WDR41: variants seen among roughly 807,000 people sequenced by gnomAD.
WDR41 encodes the protein WD repeat-containing protein 41.
Under a neutral mutation model 69.3 loss-of-function variants are expected in WDR41, and 63 were observed. The observed-to-expected ratio is 0.91, with a 90% CI of 0.74 to 1.12. The LOEUF is 1.12. WDR41 is among the 50% of genes most tolerant of loss of function. The pLI is 0.00. For synonymous variants in WDR41, 185 were observed against 192.1 expected (o/e 0.96, Z 0.31); for missense variants, 543 against 534.5 (o/e 1.02, Z -0.16).
At chr5:77,511,274 C>A (rs76675838) in intron 1 of WDR41, among the ~76,000 whole-genome samples, 2,782 of 152,246 alleles carry the variant, frequency 0.018, 62 homozygotes, top group African/African-American at 0.055. Flanking sequence ...GGCCACTACA[C>A]CAATAGATTA....
At chr5:77,473,408 C>T (rs1203929241) in intron 2 of WDR41, among the ~76,000 whole-genome samples, 1 of 152,110 alleles carries the variant, frequency 6.6e-6, no homozygotes, top group East Asian at 1.9e-4. Flanking sequence ...TCTAAAACAC[C>T]AAAAGCAATG....
chr5:77,431,805 G>A lies in WDR41; in HGVS notation c.*1330C>T, dbSNP rs1291591620. ...TGGGAGAAAGTCTTCTGTAATTGAGGTAGCTTAAGTTTTAATATTTCTCCA... is the reference window on the plus strand; with the variant it reads ...TGGGAGAAAGTCTTCTGTAATTGAGATAGCTTAAGTTTTAATATTTCTCCA... On this transcript the variant is annotated 3_prime_UTR_variant, in exon 13 of 13. Coordinates refer to ENST00000296679, the MANE Select transcript of WDR41 (RefSeq NM_018268.4). 6.6e-6 allele frequency: 1 copy of A among 152,194 alleles called. No individual in the cohort carries two copies. The highest frequency in any genetic ancestry group is 1.9e-4 in the East Asian group (1 of 5,192). 9.4% of individuals were successfully genotyped at this position (152,194 alleles called of 1,614,324 possible). A position where few individuals can be genotyped will look rare whatever the true frequency, so the allele number is the denominator to read the frequency against.
intron 1 of WDR41, among the ~76,000 whole-genome samples, chr5:77,505,656 C>A (rs1802093756): frequency 6.6e-6 from 1 of 152,124 alleles, no homozygotes. Flanking sequence ...GCTACAGTAA[C>A]CAAAACAGCA....
In WDR41 at chr5:77,542,983, T is replaced by C. The variant is rs539422763; in HGVS notation, c.43-53411A>G. Reference sequence around the variant, plus strand: ...ACAGACAGTTCACATCACAGTACTCTGTGCAGATAACCCCCACTACCAGCC... The same window carrying C: ...ACAGACAGTTCACATCACAGTACTCCGTGCAGATAACCCCCACTACCAGCC... On this transcript the variant is annotated intron_variant, in intron 1 of 5. Coordinates refer to the WDR41 transcript ENST00000509971. Among the ~76,000 whole-genome samples the C allele has an allele frequency of 9.2e-5, 14 of 152,286 alleles. No individual in the cohort carries two copies. The South Asian group carries it at 1.2e-3, about 14-fold the overall frequency.
chr5:77,599,766 T>C (rs1374682958), intron 1 of WDR41, among the ~76,000 whole-genome samples: 1 of 152,126 alleles, frequency 6.6e-6, no homozygotes, highest in Non-Finnish European at 1.5e-5. Context: ...GGTGGTGGCA[T>C]GGAGAACACA....
intron 2 of WDR41, among the ~76,000 whole-genome samples, chr5:77,481,119 T>A (rs1801235656): frequency 6.6e-6 from 1 of 152,040 alleles, no homozygotes; most frequent in Non-Finnish European, 1.5e-5. Flanking sequence ...CCTCTCAGGT[T>A]CTAACGATTC....
At chr5:77,489,108 A>G (rs1801651781) in intron 2 of WDR41, among the ~76,000 whole-genome samples, 1 of 152,216 alleles carries the variant, frequency 6.6e-6, no homozygotes, top group South Asian at 2.1e-4. Flanking sequence ...TTAAACACTT[A>G]GCATATTTGT....
intron 1 of WDR41, among the ~76,000 whole-genome samples, chr5:77,608,959 C>A (rs908994353): frequency 2.6e-5 from 4 of 152,224 alleles, no homozygotes; most frequent in African/African-American, 9.6e-5. Context: ...CCGAATACTG[C>A]GCTTTTCCGA....
At chr5:77,567,785 G>T (rs915598249) in intron 1 of WDR41, among the ~76,000 whole-genome samples, 8 of 151,712 alleles carry the variant, frequency 5.3e-5, no homozygotes, top group African/African-American at 1.7e-4. Context: ...AATAGGTTTG[G>T]GTCCAAGTAT....
chr5:77,578,708 A>G (rs535329187), intron 1 of WDR41, among the ~76,000 whole-genome samples: 1 of 152,194 alleles, frequency 6.6e-6, no homozygotes, highest in Admixed American at 6.5e-5. Flanking sequence ...TACTAAAAAT[A>G]CAAAAATTAG....
chr5:77,609,754 C>A (rs1197019776), intron 1 of WDR41, among the ~76,000 whole-genome samples: 22 of 152,208 alleles, frequency 1.4e-4, no homozygotes, highest in Non-Finnish European at 2.6e-4. Context: ...GAGCGCCTCT[C>A]CTCCTCCAAA....
intron 1 of WDR41, among the ~76,000 whole-genome samples, chr5:77,569,993 T>C (rs900843434): frequency 6.6e-6 from 1 of 152,168 alleles, no homozygotes; most frequent in Non-Finnish European, 1.5e-5. Flanking sequence ...CTTTTCTCTC[T>C]GAGAATAAAC....
chr5:77,468,851 A>C (rs78270214), intron 2 of WDR41, among the ~76,000 whole-genome samples: 2,808 of 152,248 alleles, frequency 0.018, 63 homozygotes, highest in African/African-American at 0.055. Context: ...TTTTTTGTAC[A>C]GTAAGACGCA....
intron 1 of WDR41, among the ~76,000 whole-genome samples, chr5:77,501,150 G>A (rs1802012772): frequency 6.6e-6 from 1 of 152,252 alleles, no homozygotes; most frequent in Non-Finnish European, 1.5e-5. Flanking sequence ...ACTGTACCTG[G>A]AAAAACAGGA....
chr5:77,434,738 A>AAGAT (rs1380342802), intron 12 of WDR41, among the ~76,000 whole-genome samples: 3 of 152,124 alleles, frequency 2.0e-5, no homozygotes, highest in African/African-American at 7.2e-5. Flanking sequence ...TGACACTGCA[A>AAGAT]AGATAGCCTA....
rs754120008 is a variant in WDR41, at chr5:77,451,371, A to C, written c.524-18T>G. 6.2e-7 allele frequency: 1 copy of C among 1,608,080 alleles called. No homozygotes were observed. The highest frequency in any genetic ancestry group is 1.1e-5 in the South Asian group (1 of 89,984). On this transcript the variant is annotated intron_variant, in intron 6 of 12. Coordinates refer to ENST00000296679, the MANE Select transcript of WDR41 (RefSeq NM_018268.4). ...ACTAATACCTCCAAAAACATATAAA[A>C]CAAAGTTCAAATTATTTTTCTCACA...
chr5:77,533,674 A>G (rs1370361735), intron 1 of WDR41, among the ~76,000 whole-genome samples: 1 of 152,204 alleles, frequency 6.6e-6, no homozygotes, highest in African/African-American at 2.4e-5. Flanking sequence ...ACAGAATTAT[A>G]TAATTAATTC....
At chr5:77,606,539 G>A (rs1744423257) in intron 1 of WDR41, among the ~76,000 whole-genome samples, 1 of 152,124 alleles carries the variant, frequency 6.6e-6, no homozygotes, top group Non-Finnish European at 1.5e-5. Context: ...GCTGGGTGTG[G>A]TGGCTGTAAT....
chr5:77,591,839 T>G (rs1257810660), intron 1 of WDR41, among the ~76,000 whole-genome samples: 3 of 152,158 alleles, frequency 2.0e-5, no homozygotes, highest in African/African-American at 7.2e-5. Flanking sequence ...ATGTTCCATA[T>G]GCACTTAAAA....
Sources: allele counts gnomAD v4.1 joint callset (sites outside exome capture counted in the v4.1 genomes callset), GRCh38; gene constraint gnomAD v4.1.1; transcripts MANE v1.5; gene names NCBI Gene and HGNC (gene_info 2026-07-23, HGNC 2026-07-21).